The following ARHGAP26 variants were observed in gnomAD, a reference collection of about 807,000 sequenced individuals.
The protein encoded by ARHGAP26 is Rho GTPase activating protein 26, also known as rho GTPase-activating protein 26.
In ARHGAP26, 38 loss-of-function variants were observed where a neutral mutation model predicts 104.8. That is an observed-to-expected ratio of 0.36 (90% CI 0.28 to 0.48). The LOEUF is 0.48. ARHGAP26 is among the 20% of genes least tolerant of loss of function. The probability of loss-of-function intolerance (pLI) is 0.99; values close to 1 mark genes in which losing one functional copy is unlikely to be tolerated. For synonymous variants in ARHGAP26, 341 were observed against 340.0 expected (o/e 1.00, Z -0.03); for missense variants, 704 against 947.9 (o/e 0.74, Z 3.38).
chr5:142,952,524 A>T (rs1306905423), intron 11 of ARHGAP26, among the ~76,000 whole-genome samples: 1 of 152,096 alleles, frequency 6.6e-6, no homozygotes, highest in African/African-American at 2.4e-5. Flanking sequence ...GGTGGAGGTG[A>T]TAGGGTGGAG....
intron 20 of ARHGAP26, among the ~76,000 whole-genome samples, chr5:143,189,787 G>A (rs145985120): frequency 6.6e-6 from 1 of 152,006 alleles, no homozygotes; most frequent in Non-Finnish European, 1.5e-5. Context: ...CTGTGTTCTC[G>A]CCCACCCTAC....
At chr5:142,998,207 T>C (rs1423160500) in intron 11 of ARHGAP26, among the ~76,000 whole-genome samples, 2 of 152,220 alleles carry the variant, frequency 1.3e-5, no homozygotes, top group Non-Finnish European at 2.9e-5. Context: ...TATTTATGAT[T>C]GTATTTGTAT....
chr5:143,122,700 A>C (rs1796286594), intron 18 of ARHGAP26, among the ~76,000 whole-genome samples: 1 of 152,224 alleles, frequency 6.6e-6, no homozygotes, highest in African/African-American at 2.4e-5. Context: ...CTTTCCTTGT[A>C]AAAGTTAAAG....
intron 2 of ARHGAP26, among the ~76,000 whole-genome samples, chr5:142,874,127 C>T (rs1375719497): frequency 6.6e-6 from 1 of 152,136 alleles, no homozygotes; most frequent in African/African-American, 2.4e-5. Context: ...CCCCGCCACT[C>T]CTGTTTCCTT....
At chr5:142,781,885 G>C (rs1043710614) in intron 1 of ARHGAP26, among the ~76,000 whole-genome samples, 17 of 152,152 alleles carry the variant, frequency 1.1e-4, no homozygotes, top group African/African-American at 4.1e-4. Flanking sequence ...CTAATTTTTT[G>C]TATTTTTTTT....
intron 11 of ARHGAP26, among the ~76,000 whole-genome samples, chr5:142,940,635 C>CT (rs1191605639): frequency 1.3e-5 from 2 of 152,072 alleles, no homozygotes; most frequent in African/African-American, 2.4e-5. Flanking sequence ...TGATCTTATT[C>CT]TTTTTTTATG....
At chr5:142,830,488 G>A (rs252454) in intron 1 of ARHGAP26, among the ~76,000 whole-genome samples, 44,582 of 152,068 alleles carry the variant, frequency 0.29, 8,831 homozygotes, top group African/African-American at 0.55. Flanking sequence ...CGTTATGGCA[G>A]TCAGTCTGTT....
chr5:143,188,856 A>G (rs956347815), intron 20 of ARHGAP26, among the ~76,000 whole-genome samples: 1 of 152,256 alleles, frequency 6.6e-6, no homozygotes, highest in African/African-American at 2.4e-5. Context: ...TAATAACTGT[A>G]GTATCAAACA....
intron 19 of ARHGAP26, among the ~76,000 whole-genome samples, chr5:143,144,705 G>A (rs1798956142): frequency 6.6e-6 from 1 of 152,184 alleles, no homozygotes; most frequent in Admixed American, 6.5e-5. Context: ...ACTATGCTTG[G>A]CTCATTTTCT....
intron 1 of ARHGAP26, among the ~76,000 whole-genome samples, chr5:142,812,288 C>G (rs1258696406): frequency 6.6e-6 from 1 of 151,938 alleles, no homozygotes; most frequent in Admixed American, 6.6e-5. Context: ...GGGTCTCACT[C>G]TTTTGCCCAG....
intron 10 of ARHGAP26, among the ~76,000 whole-genome samples, chr5:142,927,910 T>C (rs1284824655): frequency 6.6e-6 from 1 of 152,210 alleles, no homozygotes; most frequent in Non-Finnish European, 1.5e-5. Context: ...CCCTCATAAG[T>C]AATCAGTTTG....
At chr5:142,874,166 A>G (rs1413280502) in intron 2 of ARHGAP26, among the ~76,000 whole-genome samples, 1 of 152,166 alleles carries the variant, frequency 6.6e-6, no homozygotes, top group Non-Finnish European at 1.5e-5. Context: ...GTTACTGTTT[A>G]TCACCACGGT....
At chr5:142,931,701 A>T (rs1168102866) in intron 10 of ARHGAP26, among the ~76,000 whole-genome samples, 2 of 152,192 alleles carry the variant, frequency 1.3e-5, no homozygotes, top group Non-Finnish European at 2.9e-5. Context: ...TTCTACCGTG[A>T]GTAAAATACT....
intron 17 of ARHGAP26, among the ~76,000 whole-genome samples, chr5:143,070,108 T>TG (rs552090656): frequency 6.6e-6 from 1 of 152,158 alleles, no homozygotes; most frequent in Non-Finnish European, 1.5e-5. Context: ...CAGGCAAATG[T>TG]GGGGGGGTTC....
At chr5:142,933,646 C>T (rs893425421) in intron 11 of ARHGAP26, among the ~76,000 whole-genome samples, 4 of 152,156 alleles carry the variant, frequency 2.6e-5, no homozygotes, top group South Asian at 2.1e-4. Flanking sequence ...GAAAGCATTT[C>T]GAAGGACCCA....
rs142093137 is a variant in ARHGAP26 at position 143,060,507 on chromosome 5, T to C, written c.1538+2760T>C. ...CCTCTAAAGCAAATGATTACCAGGG[T>C]ACATCCAAATCACAGAGATGTTGGA... On this transcript the variant is annotated intron_variant, in intron 17 of 22. Coordinates refer to ENST00000645722, the MANE Select transcript of ARHGAP26 (RefSeq NM_001135608.3). Among the ~76,000 whole-genome samples the C allele has an allele frequency of 2.3e-3, 343 of 152,198 alleles. 5 individuals are homozygous for C. The East Asian group carries it at 0.042, about 19-fold the overall frequency.
chr5:143,222,246 T>TACAC lies in ARHGAP26; in HGVS notation c.2192-77_2192-74dup, dbSNP rs66463225. On this transcript the variant is annotated intron_variant, in intron 22 of 22. Coordinates refer to ENST00000645722, the MANE Select transcript of ARHGAP26 (RefSeq NM_001135608.3). The stretch of plus-strand genomic sequence containing the variant: ...GTACTCATTGTCCAAGCTTCCTTCA[T>TACAC]ACACACACACACACACACACACACA... The TACAC allele has an allele frequency of 3.4e-3, 1,647 of 479,150 alleles. 2 individuals are homozygous for TACAC. The highest frequency in any genetic ancestry group is 8.7e-3 in the African/African-American group (443 of 50,766). 29.7% of individuals were successfully genotyped at this position (479,150 alleles called of 1,614,324 possible). A position where few individuals can be genotyped will look rare whatever the true frequency, so the allele number is the denominator to read the frequency against.
At chr5:143,003,967 A>AGATT in intron 11 of ARHGAP26, among the ~76,000 whole-genome samples, 1 of 149,352 alleles carries the variant, frequency 6.7e-6, no homozygotes, top group Admixed American at 6.7e-5. Flanking sequence ...GAATCACCAC[A>AGATT]CATTCAGAGA....
At chr5:142,984,855 T>C (rs1332614818) in intron 11 of ARHGAP26, among the ~76,000 whole-genome samples, 1 of 152,224 alleles carries the variant, frequency 6.6e-6, no homozygotes, top group Non-Finnish European at 1.5e-5. Context: ...ATGACTGTGT[T>C]ACTAGTTTAT....
Sources: gnomAD v4.1 joint callset for allele counts (sites outside exome capture counted in the v4.1 genomes callset) on GRCh38, gnomAD v4.1.1 for gene constraint, MANE v1.5 for transcripts, NCBI Gene and HGNC (gene_info 2026-07-23, HGNC 2026-07-21) for gene names.